Variants in FRYL observed in about 807,000 individuals in gnomAD.
FRYL encodes the protein FRY like transcription coactivator.
In FRYL, 150 loss-of-function variants were observed where a neutral mutation model predicts 351.2. The observed-to-expected ratio is 0.43, with a 90% confidence interval of 0.37 to 0.49. The LOEUF is 0.49. Ranked by LOEUF, FRYL falls within the 20% of genes least tolerant of loss-of-function variation. The pLI is 0.00. For synonymous variants in FRYL, 1,153 were observed against 1,257.1 expected (o/e 0.92, Z 1.75); for missense variants, 3,036 against 3,619.3 (o/e 0.84, Z 4.13).
At chr4:48,637,610 A>T (rs1427257956) in intron 3 of FRYL, 1 of 152,020 alleles carries the variant, frequency 6.6e-6, no homozygotes, top group Non-Finnish European at 1.5e-5. Flanking sequence ...ATGTCGTATT[A>T]AACATACTTG....
Position 48,609,749 on chromosome 4 carries a change from CT to C in FRYL, c.485del (p.Lys162ArgfsTer22). 6.5e-7 allele frequency: 1 copy of C among 1,536,202 alleles called. No homozygotes were observed. Among genetic ancestry groups the C allele is most frequent in the Non-Finnish European group, 8.9e-7 (1 of 1,121,706 alleles). ...CAAGTTAGTATTTTACTTACCCTTCCTTATGTTTAAAGTGCTTAAAAGCTAA... is the reference window on the plus strand; with the variant it reads ...CAAGTTAGTATTTTACTTACCCTTCCTATGTTTAAAGTGCTTAAAAGCTAA... ...LNLAFKHFKH[K>X]EGYSGTNTGN... On this transcript the variant is annotated frameshift_variant, in exon 8 of 64. Coordinates refer to ENST00000358350, the MANE Select transcript of FRYL (RefSeq NM_015030.2). LOFTEE classifies it high-confidence loss of function.
chr4:48,547,603 G>T lies in FRYL; in HGVS notation c.5055C>A (p.His1685Gln). 3 of 1,561,636 alleles carry T rather than the reference G, an allele frequency of 1.9e-6. No individual in the cohort carries two copies. The highest frequency in any genetic ancestry group is 2.6e-6 in the Non-Finnish European group (3 of 1,146,032). ...PRVLTVKQVAHLDYNFTAGIN... is the reference protein window; with the variant it reads ...PRVLTVKQVAQLDYNFTAGIN... ...AAATACCTGTGAAATTATAATCTAA[G>T]TGTGCAACTTGTTTGACTGTAAGCA... Residue 1685 changes from histidine to glutamine, a missense_variant, in exon 41 of 64, where the codon CAC (histidine) becomes CAA (glutamine). This residue lies in a region of FRYL where 1,987 missense variants were observed against 2,311.7 expected (regional missense o/e 0.86). Transcript: ENST00000358350.
chr4:48,769,032 G>A (rs1486762065), intron 1 of FRYL, among the ~76,000 whole-genome samples: 1 of 152,108 alleles, frequency 6.6e-6, no homozygotes, highest in Non-Finnish European at 1.5e-5. Flanking sequence ...AGCTACTCTG[G>A]AGGCTGAGAT....
chr4:48,560,932 C>G (rs1456069433), intron 33 of FRYL, among the ~76,000 whole-genome samples: 1 of 152,154 alleles, frequency 6.6e-6, no homozygotes, highest in African/African-American at 2.4e-5. Context: ...TGCAATCTCC[C>G]AGATCCCAGT....
At chr4:48,731,802 T>TA (rs1279286243) in intron 1 of FRYL, among the ~76,000 whole-genome samples, 1 of 152,280 alleles carries the variant, frequency 6.6e-6, no homozygotes, top group African/African-American at 2.4e-5. Flanking sequence ...ATCAAAGACT[T>TA]AAACATAAGA....
chr4:48,548,401 G>A (rs1009224059), intron 40 of FRYL, among the ~76,000 whole-genome samples: 1 of 152,052 alleles, frequency 6.6e-6, no homozygotes, highest in Non-Finnish European at 1.5e-5. Context: ...TTTGACTCTT[G>A]CCACAGCCAC....
chr4:48,530,488 T>C lies in FRYL; in HGVS notation c.6903+668A>G, dbSNP rs1428034385. 2.6e-5 allele frequency among the ~76,000 whole-genome samples: 4 copies of C among 152,154 alleles called. No individual in the cohort carries two copies. In the East Asian group the frequency reaches 5.8e-4, roughly 22 times the overall value. ...GATCCTCCTAAAATGCAAACCCTAA[T>C]ACGCCAACTAAAAATCCTTTAAGAG... On this transcript the variant is annotated intron_variant, in intron 50 of 63. Transcript: ENST00000358350.
intron 60 of FRYL, 25 bp from the exon 61 acceptor site, chr4:48,502,870 CAAAAAATACAAAGGAA>C (rs765345349): frequency 6.3e-7 from 1 of 1,595,012 alleles, no homozygotes; most frequent in Non-Finnish European, 8.6e-7. Context: ...GATCAGGTCA[CAAAAAATACAAAGGAA>C]GAAAAAGACC....
chr4:48,633,319 C>T (rs984378958), intron 4 of FRYL, among the ~76,000 whole-genome samples: 1 of 152,272 alleles, frequency 6.6e-6, no homozygotes, highest in Admixed American at 6.5e-5. Flanking sequence ...TGCTGCTCTA[C>T]GTCATTGGCA....
chr4:48,592,408 C>G (rs1237944627), intron 16 of FRYL, among the ~76,000 whole-genome samples: 2 of 151,868 alleles, frequency 1.3e-5, no homozygotes, highest in African/African-American at 4.8e-5. Flanking sequence ...AAAGAAAATA[C>G]AGATCCAAGA....
intron 5 of FRYL, among the ~76,000 whole-genome samples, chr4:48,622,487 A>G (rs1482636549): frequency 6.6e-6 from 1 of 152,190 alleles, no homozygotes; most frequent in African/African-American, 2.4e-5. Context: ...CCAGGAACAC[A>G]GTATTTTGGT....
chr4:48,702,414 C>T (rs1052590754), intron 2 of FRYL, among the ~76,000 whole-genome samples: 4 of 125,224 alleles, frequency 3.2e-5, no homozygotes, highest in East Asian at 2.5e-4. Context: ...CGAGAATGTG[C>T]CACTATACTC....
Position 48,497,411 on chromosome 4 carries a change from A to T in FRYL, c.*2011T>A, listed in dbSNP as rs1283777547. The T allele has an allele frequency of 6.6e-6, 1 of 152,588 alleles. No individual in the cohort carries two copies. Among genetic ancestry groups the T allele is most frequent in the African/African-American group, 2.4e-5 (1 of 41,460 alleles). 9.5% of individuals were successfully genotyped at this position (152,588 alleles called of 1,614,324 possible). A position where few individuals can be genotyped will look rare whatever the true frequency, so the allele number is the denominator to read the frequency against. On this transcript the variant is annotated 3_prime_UTR_variant, in exon 64 of 64. Coordinates refer to ENST00000358350, the MANE Select transcript of FRYL (RefSeq NM_015030.2). ...TATATTAATAGACTTAGTTACATATAAATAAACACAAAAAGCAAATATCAA... is the reference window on the plus strand; with the variant it reads ...TATATTAATAGACTTAGTTACATATTAATAAACACAAAAAGCAAATATCAA...
Position 48,764,744 on chromosome 4 carries a change from G to T in FRYL, c.-384+15334C>A, listed in dbSNP as rs141226256. 5.4e-4 allele frequency among the ~76,000 whole-genome samples: 82 copies of T among 152,222 alleles called. 1 individual carries two copies. The highest frequency in any genetic ancestry group is 1.9e-3 in the African/African-American group (78 of 41,538). On this transcript the variant is annotated intron_variant, in intron 1 of 63. Transcript: ENST00000358350. ...AATATCCCATGTTCACGAATTGAAA[G>T]AATATTATTTTGTAAAAACAACCAT...
At position 48,539,965 on chromosome 4, in the gene FRYL, G is replaced by C. The variant is rs1456427143; in HGVS notation, c.6393+6C>G. The C allele has an allele frequency of 6.3e-7, 1 of 1,596,356 alleles. No homozygotes were observed. Among genetic ancestry groups the C allele is most frequent in the Non-Finnish European group, 8.6e-7 (1 of 1,164,928 alleles). On this transcript the variant is annotated splice_donor_region_variant and intron_variant, in intron 47 of 63. Transcript: ENST00000358350. ...AGTGTTACCTTTCAGCATAACATTT[G>C]CTTACCTTTGCTATTCGACTAGCTG... is the stretch of plus-strand genomic sequence containing the variant.
intron 4 of FRYL, among the ~76,000 whole-genome samples, chr4:48,623,663 G>A (rs1232642708): frequency 6.6e-6 from 1 of 152,058 alleles, no homozygotes. Context: ...ATGCCTTATG[G>A]TCTCTGTGCT....
At chr4:48,601,154 TTCTC>T (rs1229332735) in intron 13 of FRYL, among the ~76,000 whole-genome samples, 2 of 152,194 alleles carry the variant, frequency 1.3e-5, no homozygotes, top group Non-Finnish European at 2.9e-5. Context: ...ACAAGTCACT[TTCTC>T]TATCTGCCTC....
At chr4:48,649,772 AGCACTGCATC>A (rs1195228031) in intron 3 of FRYL, among the ~76,000 whole-genome samples, 1 of 152,214 alleles carries the variant, frequency 6.6e-6, no homozygotes, top group African/African-American at 2.4e-5. Flanking sequence ...AAACTTCAGC[AGCACTGCATC>A]AACATTCTGC....
intron 4 of FRYL, 127 bp from the exon 5 acceptor site, chr4:48,623,306 A>C: frequency 1.7e-6 from 1 of 574,132 alleles, no homozygotes; most frequent in Non-Finnish European, 2.9e-6. Context: ...TTGTTACTAG[A>C]TTGTTTTAAA....
Sources: gnomAD v4.1 joint callset for allele counts (sites outside exome capture counted in the v4.1 genomes callset) on GRCh38, gnomAD v4.1.1 for gene constraint, gnomAD v4.1.1 regional missense constraint, MANE v1.5 for transcripts, NCBI Gene and HGNC (gene_info 2026-07-23, HGNC 2026-07-21) for gene names.